The following PXDNL variants were observed in gnomAD, a reference collection of about 807,000 sequenced individuals.
PXDNL encodes probable oxidoreductase PXDNL.
A neutral mutation model predicts 150.8 loss-of-function variants in PXDNL; 145 were observed. The ratio of observed to expected loss-of-function variants is 0.96; its 90% CI spans 0.84 to 1.10. The LOEUF is 1.10. Among genes scored for constraint, PXDNL ranks in the 50% least tolerant of loss-of-function variants. The probability of loss-of-function intolerance (pLI) is 0.00; values close to 1 mark genes in which losing one functional copy is unlikely to be tolerated. For missense variants in PXDNL, 2,087 were observed against 1,873.9 expected (o/e 1.11, Z -2.10); for synonymous variants, 757 against 725.7 (o/e 1.04, Z -0.69).
chr8:51,763,301 A>T (rs1023791437), intron 1 of PXDNL, among the ~76,000 whole-genome samples: 5 of 149,784 alleles, frequency 3.3e-5, no homozygotes, highest in African/African-American at 1.2e-4. Flanking sequence ...GTGCACATGT[A>T]CCCTAGAACT....
At chr8:51,536,218 C>T (rs1249028522) in intron 4 of PXDNL, among the ~76,000 whole-genome samples, 1 of 152,160 alleles carries the variant, frequency 6.6e-6, no homozygotes, top group Non-Finnish European at 1.5e-5. Context: ...CCTTTTTATA[C>T]AGTTATAGAG....
intron 8 of PXDNL, among the ~76,000 whole-genome samples, chr8:51,468,399 C>G (rs1810249779): frequency 1.3e-5 from 2 of 151,870 alleles, no homozygotes; most frequent in African/African-American, 4.8e-5. Context: ...TGTGATTACA[C>G]TATAATAGTC....
intron 1 of PXDNL, among the ~76,000 whole-genome samples, chr8:51,752,665 C>CAGTAAGG (rs2037058050): frequency 3.9e-5 from 2 of 51,182 alleles, no homozygotes; most frequent in Non-Finnish European, 8.2e-5. Context: ...GTAAGGTGTA[C>CAGTAAGG]TGTCCTCATT....
intron 1 of PXDNL, among the ~76,000 whole-genome samples, chr8:51,768,060 G>A (rs1045444098): frequency 6.6e-6 from 1 of 152,170 alleles, no homozygotes; most frequent in African/African-American, 2.4e-5. Context: ...TGAAGCTGTT[G>A]GTTTTCAAGA....
intron 2 of PXDNL, among the ~76,000 whole-genome samples, chr8:51,609,353 T>G (rs1813946679): frequency 6.6e-6 from 1 of 152,150 alleles, no homozygotes; most frequent in Non-Finnish European, 1.5e-5. Flanking sequence ...GGGCAGGTGG[T>G]AATGGACTAC....
rs574950140 is a variant in PXDNL, at chr8:51,775,366, TG to T, written c.164+33814del. On this transcript the variant is annotated intron_variant, in intron 1 of 22. Coordinates refer to ENST00000356297, the MANE Select transcript of PXDNL (RefSeq NM_144651.5). ...TCAAAAATACCAAAACCAACTTAAA[TG>T]GCTCGTTATATTGCCATTCCAATGG... Among the ~76,000 whole-genome samples the T allele has an allele frequency of 1.1e-4, 17 of 152,338 alleles. No homozygotes were observed. In the South Asian group the frequency reaches 3.5e-3, roughly 32 times the overall value.
In PXDNL at chr8:51,386,835, AAAG is replaced by A. The variant is rs1807731931; in HGVS notation, c.3558-12107_3558-12105del. On this transcript the variant is annotated intron_variant, in intron 17 of 22. Transcript: ENST00000356297. Reference sequence around the variant, plus strand: ...CAAGACTTCATCTTGAAAAAAAAAAAAAGAAAGAGTCTTTTCTACATGTCAGCC... The same window carrying A: ...CAAGACTTCATCTTGAAAAAAAAAAAAAAGAGTCTTTTCTACATGTCAGCC... Among the ~76,000 whole-genome samples the A allele has an allele frequency of 2.0e-5, 3 of 151,824 alleles. No homozygotes were observed. In the South Asian group the frequency reaches 6.2e-4, roughly 32 times the overall value.
chr8:51,669,013 AAC>A (rs1257064499), intron 1 of PXDNL, among the ~76,000 whole-genome samples: 4 of 152,212 alleles, frequency 2.6e-5, no homozygotes, highest in Non-Finnish European at 5.9e-5. Context: ...CATTAAAAAT[AAC>A]ACAGTAGCTT....
At chr8:51,545,408 G>C (rs1310970308) in intron 4 of PXDNL, among the ~76,000 whole-genome samples, 2 of 152,150 alleles carry the variant, frequency 1.3e-5, no homozygotes, top group Non-Finnish European at 1.5e-5. Flanking sequence ...TTTTTAAAAA[G>C]ACGAAGGCAC....
chr8:51,472,275 C>G lies in PXDNL; in HGVS notation c.724G>C (p.Asp242His), dbSNP rs1023390749. The part of the protein sequence containing the change: ...QSPRITFEPQ[D>H]VEVPSGNTVY... ...GTATTTCCTGATGGTACCTCCACAT[C>G]CTGCGGCTCAAAAGTAATTCGGGGG... Residue 242 changes from aspartate (D) to histidine (H), a missense_variant, in exon 8 of 23, where the codon GAT becomes CAT. Coordinates refer to ENST00000356297, the MANE Select transcript of PXDNL (RefSeq NM_144651.5). 6 of 1,613,088 alleles carry G rather than the reference C, an allele frequency of 3.7e-6. No individual in the cohort carries two copies. Among genetic ancestry groups the G allele is most frequent in the Non-Finnish European group, 5.1e-6 (6 of 1,179,260 alleles).
At chr8:51,594,564 C>G (rs1464178388) in intron 2 of PXDNL, among the ~76,000 whole-genome samples, 1 of 152,094 alleles carries the variant, frequency 6.6e-6, no homozygotes, top group African/African-American at 2.4e-5. Context: ...AAAAATTACA[C>G]TGAAATTATG....
chr8:51,791,199 A>G (rs560323033), intron 1 of PXDNL, among the ~76,000 whole-genome samples: 4 of 152,292 alleles, frequency 2.6e-5, no homozygotes, highest in South Asian at 2.1e-4. Flanking sequence ...TTGCCCCTCA[A>G]CTAGATCTGT....
intron 5 of PXDNL, among the ~76,000 whole-genome samples, chr8:51,492,934 G>C (rs1286290667): frequency 6.6e-6 from 1 of 152,182 alleles, no homozygotes; most frequent in Non-Finnish European, 1.5e-5. Flanking sequence ...GAAGAGAGTA[G>C]TGGTTCTCCC....
At chr8:51,655,255 C>A (rs1386149079) in intron 1 of PXDNL, among the ~76,000 whole-genome samples, 1 of 152,168 alleles carries the variant, frequency 6.6e-6, no homozygotes, top group African/African-American at 2.4e-5. Context: ...ATCAACAGAA[C>A]AATTAGTTTG....
intron 3 of PXDNL, among the ~76,000 whole-genome samples, chr8:51,587,155 TA>T (rs1813342794): frequency 6.6e-6 from 1 of 152,174 alleles, no homozygotes; most frequent in East Asian, 1.9e-4. Flanking sequence ...TCTGAATAAA[TA>T]AACTTTATTT....
At chr8:51,473,653 T>G in intron 7 of PXDNL, among the ~76,000 whole-genome samples, 1 of 150,818 alleles carries the variant, frequency 6.6e-6, no homozygotes, top group Non-Finnish European at 1.5e-5. Flanking sequence ...AAATGATGAG[T>G]TAATGGGTGC....
chr8:51,361,960 A>AAAAAAAAAAAAAAAAAAAAAG (rs1563374211), intron 19 of PXDNL, among the ~76,000 whole-genome samples: 4 of 148,898 alleles, frequency 2.7e-5, no homozygotes, highest in African/African-American at 1.0e-4. Flanking sequence ...AAAAAAAAAA[A>AAAAAAAAAAAAAAAAAAAAAG]AAAAAGAAAA....
intron 4 of PXDNL, among the ~76,000 whole-genome samples, chr8:51,501,731 C>G (rs892288882): frequency 2.0e-5 from 3 of 152,194 alleles, no homozygotes; most frequent in African/African-American, 7.2e-5. Context: ...CTCCCACACA[C>G]TCACACACTG....
chr8:51,673,071 C>G (rs901533027), intron 1 of PXDNL, among the ~76,000 whole-genome samples: 10 of 152,104 alleles, frequency 6.6e-5, no homozygotes, highest in African/African-American at 2.4e-4. Context: ...GGGAAATACG[C>G]ACACACATTC....
Sources: gnomAD v4.1 joint callset for allele counts (sites outside exome capture counted in the v4.1 genomes callset) on GRCh38, gnomAD v4.1.1 for gene constraint, MANE v1.5 for transcripts, NCBI Gene and HGNC (gene_info 2026-07-23, HGNC 2026-07-21) for gene names.